Variants in TJP1 observed in about 807,000 individuals in gnomAD.
The protein encoded by TJP1 is tight junction protein ZO-1.
A neutral mutation model predicts 194.2 loss-of-function variants in TJP1; 43 were observed. That is an observed-to-expected ratio of 0.22 (90% CI 0.17 to 0.29). TJP1 has a LOEUF of 0.29. TJP1 is among the 10% of genes least tolerant of loss of function. The pLI is 1.00. For missense variants in TJP1, 1,971 were observed against 2,185.7 expected (o/e 0.90, Z 1.96); for synonymous variants, 801 against 779.0 (o/e 1.03, Z -0.47).
In TJP1 at chr15:29,761,162, C is replaced by T. The variant is rs770559228; in HGVS notation, c.987G>A (p.Ser329=). The T allele has an allele frequency of 3.7e-6, 6 of 1,604,372 alleles. No individual in the cohort carries two copies. The highest frequency in any genetic ancestry group is 4.3e-6 in the Non-Finnish European group (5 of 1,175,398). ...ACCTGCCATTGCTTGGCTGCTGCGG[C>T]GAGTGCCTGGAATGATCAGAAGGCT... ...RSEPSDHSRH[S]PQQPSNGSLR... is the part of the protein sequence containing the mutation. The change falls in exon 8 of 28, where the codon TCG becomes TCA. Residue 329 remains serine, a synonymous_variant. Coordinates refer to ENST00000614355, the MANE Select transcript of TJP1 (RefSeq NM_001330239.4).
chr15:29,924,582 A>G (rs2054468398), intron 2 of TJP1, among the ~76,000 whole-genome samples: 1 of 152,206 alleles, frequency 6.6e-6, no homozygotes. Context: ...TATATTATAC[A>G]TTTCTACAAC....
intron 1 of TJP1, among the ~76,000 whole-genome samples, chr15:29,808,595 T>C (rs1281792641): frequency 6.6e-6 from 1 of 152,192 alleles, no homozygotes; most frequent in South Asian, 2.1e-4. Context: ...CCCACAGTGA[T>C]TTTAAAAAAT....
chr15:29,932,992 C>A (rs2054769583), intron 2 of TJP1, among the ~76,000 whole-genome samples: 1 of 151,728 alleles, frequency 6.6e-6, no homozygotes, highest in Admixed American at 6.6e-5. Flanking sequence ...GTAAAGATAT[C>A]AAAATACACA....
chr15:29,774,810 A>T (rs1338974714), intron 2 of TJP1, among the ~76,000 whole-genome samples: 1 of 152,292 alleles, frequency 6.6e-6, no homozygotes, highest in East Asian at 1.9e-4. Flanking sequence ...TAAAACAGGG[A>T]AATTTCTGAG....
chr15:29,818,462 C>T lies in TJP1; in HGVS notation c.27+3540G>A, dbSNP rs118092617. Among the ~76,000 whole-genome samples the T allele has an allele frequency of 4.8e-3, 731 of 152,362 alleles. 30 individuals carry two copies. The East Asian group carries it at 0.097, about 20-fold the overall frequency. On this transcript the variant is annotated intron_variant, in intron 1 of 27. Transcript: ENST00000614355. ...AATACACCAGTAAACAAAATTCTGACTGCGAACGCAGACGTTTATCACACA... is the reference window on the plus strand; with the variant it reads ...AATACACCAGTAAACAAAATTCTGATTGCGAACGCAGACGTTTATCACACA...
chr15:29,908,883 G>A (rs12898501), intron 2 of TJP1, among the ~76,000 whole-genome samples: 39,485 of 151,838 alleles, frequency 0.26, 6,172 homozygotes, highest in Non-Finnish European at 0.36. Context: ...GGCCGGGCGC[G>A]GTGGCTCACG....
At position 29,820,448 on chromosome 15, in the gene TJP1, C is replaced by T. The variant is rs1285918200; in HGVS notation, c.27+1554G>A. ...TTACAATGCAAAAAAGTCCCTACAA[C>T]GTAATATTTAACGAGTGATGCTTTT... On this transcript the variant is annotated intron_variant, in intron 1 of 27. Transcript: ENST00000614355. The T allele has an allele frequency of 7.1e-6, 5 of 704,358 alleles. No individual in the cohort carries two copies. The East Asian group carries it at 8.1e-5, about 11-fold the overall frequency. The allele number at this position is 704,358 out of a possible 1,614,324, so 43.6% of individuals were successfully genotyped here.
intron 2 of TJP1, among the ~76,000 whole-genome samples, chr15:29,855,685 G>A (rs973575897): frequency 6.6e-5 from 10 of 151,896 alleles, no homozygotes; most frequent in East Asian, 1.9e-4. Flanking sequence ...GTGAAACCCC[G>A]TCTCTACTAA....
chr15:29,755,150 A>C (rs905131855), intron 8 of TJP1, among the ~76,000 whole-genome samples: 1 of 152,178 alleles, frequency 6.6e-6, no homozygotes, highest in African/African-American at 2.4e-5. Context: ...AACTGCCTAC[A>C]GTATTTGGTA....
chr15:29,807,399 C>T (rs2049180350), intron 1 of TJP1, among the ~76,000 whole-genome samples: 1 of 152,128 alleles, frequency 6.6e-6, no homozygotes, highest in African/African-American at 2.4e-5. Flanking sequence ...ATCTAGAGTG[C>T]TTTCAAGTTA....
intron 2 of TJP1, among the ~76,000 whole-genome samples, chr15:29,909,889 T>C (rs567280676): frequency 5.9e-5 from 9 of 152,144 alleles, no homozygotes; most frequent in Non-Finnish European, 1.2e-4. Flanking sequence ...GTTAAGTTGT[T>C]GGAGGCAGAG....
At chr15:29,708,396 T>TC (rs1243160914) in intron 25 of TJP1, among the ~76,000 whole-genome samples, 163 bp downstream of exon 25, 1 of 152,132 alleles carries the variant, frequency 6.6e-6, no homozygotes, top group Non-Finnish European at 1.5e-5. Context: ...ATCTTGTACC[T>TC]CCTGGAGGAC....
At chr15:29,720,743 C>A in intron 18 of TJP1, 35 bp from the exon 19 acceptor site, 1 of 1,505,752 alleles carries the variant, frequency 6.6e-7, no homozygotes, top group South Asian at 1.3e-5. Flanking sequence ...AAATTTTATT[C>A]AGTAGTTCTT....
chr15:29,772,171 G>C lies in TJP1; in HGVS notation c.210-5C>G, dbSNP rs192422672. On this transcript the variant is annotated splice_polypyrimidine_tract_variant and splice_region_variant and intron_variant, in intron 3 of 27. Transcript: ENST00000614355. ...ATTGCAACTCGGTCATTTTCCCTAA[G>C]GGGAAAAGGGCACAAAATAATATGT... 1.3e-6 allele frequency: 2 copies of C among 1,549,280 alleles called. No homozygotes were observed. Among genetic ancestry groups the C allele is most frequent in the East Asian group, 2.3e-5 (1 of 43,660 alleles).
intron 2 of TJP1, among the ~76,000 whole-genome samples, chr15:29,779,099 T>C (rs949434275): frequency 3.8e-4 from 58 of 152,352 alleles, no homozygotes; most frequent in African/African-American, 1.4e-3. Flanking sequence ...AACTTCCGAA[T>C]GTGGGTCACT....
intron 2 of TJP1, among the ~76,000 whole-genome samples, chr15:29,834,181 G>A (rs1003640496): frequency 7.5e-5 from 11 of 147,132 alleles, no homozygotes; most frequent in Non-Finnish European, 1.5e-5. Context: ...GGGCCCGGCC[G>A]TAAGTATATT....
intron 2 of TJP1, among the ~76,000 whole-genome samples, chr15:29,929,934 G>T (rs1354759849): frequency 6.6e-6 from 1 of 151,958 alleles, no homozygotes; most frequent in Admixed American, 6.6e-5. Context: ...TGACATTTTT[G>T]AAAAAGAATA....
intron 1 of TJP1, among the ~76,000 whole-genome samples, chr15:29,812,940 GTGTACT>G (rs985206376): frequency 6.6e-6 from 1 of 151,928 alleles, no homozygotes; most frequent in Non-Finnish European, 1.5e-5. Context: ...CATCAAAATA[GTGTACT>G]TCTGTATTAA....
At chr15:29,742,818 A>T in intron 8 of TJP1, 37 bp from the exon 9 acceptor site, 1 of 1,542,352 alleles carries the variant, frequency 6.5e-7, no homozygotes, top group Non-Finnish European at 8.7e-7. Flanking sequence ...AGAGCATAAG[A>T]ATGATTCTGG....
Sources: allele counts gnomAD v4.1 joint callset (sites outside exome capture counted in the v4.1 genomes callset), GRCh38; gene constraint gnomAD v4.1.1; transcripts MANE v1.5; gene names NCBI Gene and HGNC (gene_info 2026-07-23, HGNC 2026-07-21).